Variants in UQCR10 observed in about 807,000 individuals in gnomAD.
The protein encoded by UQCR10 is ubiquinol-cytochrome c reductase, complex III subunit X.
Under a neutral mutation model 6.0 loss-of-function variants are expected in UQCR10, and 5 were observed. The observed-to-expected ratio is 0.83, with a 90% CI of 0.43 to 1.74. UQCR10 has a LOEUF of 1.74. Ranked by LOEUF, UQCR10 falls within the 40% of genes most tolerant of loss-of-function variation. UQCR10 has a pLI of 0.02. For missense variants in UQCR10, 101 were observed against 85.1 expected, an observed-to-expected ratio of 1.19 and a Z score of -0.74; for synonymous variants, 40 against 37.4, an observed-to-expected ratio of 1.07 and a Z score of -0.26.
rs1055360432 is a variant in UQCR10 at position 29,769,763 on chromosome 22, C to G, written c.*44C>G. ...CCAGGCCAGAAGGACCAGGTCCACC[C>G]AGCAGCTGTTTGCCCAGAGCTGGAG... On this transcript the variant is annotated 3_prime_UTR_variant, in exon 2 of 2. Transcript: ENST00000330029. The G allele has an allele frequency of 6.3e-7, 1 of 1,589,760 alleles. No individual in the cohort carries two copies. The highest frequency in any genetic ancestry group is 1.1e-5 in the South Asian group (1 of 87,286).
intron 1 of UQCR10, 73 bp from the exon 2 acceptor site, chr22:29,769,605 C>T: frequency 6.7e-7 from 1 of 1,499,544 alleles, no homozygotes; most frequent in South Asian, 1.2e-5. Context: ...TTTTAGAGAC[C>T]AGGGCAGTGG....
Position 29,767,390 on chromosome 22 carries a change from T to C in UQCR10, c.-9T>C. 1 of 1,612,222 alleles carries C rather than the reference T, an allele frequency of 6.2e-7. No individual in the cohort carries two copies. Among genetic ancestry groups the C allele is most frequent in the Middle Eastern group, 1.9e-4 (1 of 5,330 alleles). On this transcript the variant is annotated 5_prime_UTR_variant, in exon 1 of 2. Transcript: ENST00000330029. The stretch of plus-strand genomic sequence containing the variant: ...AGGCGCGGTGGCGCGAGTTGGACTG[T>C]GAAGAAACATGGCGGCCGCGACGTT...
In UQCR10 at chr22:29,767,396, A is replaced by T; in HGVS notation, c.-3A>T. ...GGTGGCGCGAGTTGGACTGTGAAGA[A>T]ACATGGCGGCCGCGACGTTGACTTC... is the stretch of plus-strand genomic sequence containing the variant. On this transcript the variant is annotated 5_prime_UTR_variant, in exon 1 of 2. Coordinates refer to ENST00000330029, the MANE Select transcript of UQCR10 (RefSeq NM_013387.4). The T allele has an allele frequency of 6.2e-7, 1 of 1,612,620 alleles. No individual in the cohort carries two copies. Among genetic ancestry groups the T allele is most frequent in the Non-Finnish European group, 8.5e-7 (1 of 1,179,402 alleles).
In UQCR10 at chr22:29,769,991, C is replaced by A; in HGVS notation, c.*272C>A. ...CTTTGTTAACTCTACCTGATCTTCA[C>A]TTGTCAGTAATTTGAGACCACTTCA... On this transcript the variant is annotated 3_prime_UTR_variant, in exon 2 of 2. Coordinates refer to ENST00000330029, the MANE Select transcript of UQCR10 (RefSeq NM_013387.4). 1.6e-6 allele frequency: 1 copy of A among 616,370 alleles called. No individual in the cohort carries two copies. Among genetic ancestry groups the A allele is most frequent in the Non-Finnish European group, 3.0e-6 (1 of 329,374 alleles). 38.2% of individuals were successfully genotyped at this position (616,370 alleles called of 1,614,324 possible).
rs531285775 is a variant in UQCR10 at position 29,767,436 on chromosome 22, T to C, written c.38T>C (p.Leu13Pro). The change falls in exon 1 of 2, where the codon CTG becomes CCG. Residue 13 changes from leucine to proline, a missense_variant. Physicochemically the swap from Leu to Pro is moderately conservative, Grantham distance 98. Transcript: ENST00000330029. ...ACGTTGACTTCGAAATTGTACTCCC[T>C]GCTGTTCCGCAGGACCTCCACCTTC... ...AATLTSKLYS[L>P]LFRRTSTFAL... 89 of 1,613,836 alleles carry C rather than the reference T, an allele frequency of 5.5e-5. No individual in the cohort carries two copies. In the Admixed American group the frequency reaches 1.4e-3, roughly 26 times the overall value.
Position 29,770,268 on chromosome 22 carries a change from A to G in UQCR10, c.*549A>G. On this transcript the variant is annotated 3_prime_UTR_variant, in exon 2 of 2. Coordinates refer to ENST00000330029, the MANE Select transcript of UQCR10 (RefSeq NM_013387.4). The stretch of plus-strand genomic sequence containing the variant: ...CCACCCTAGGGTATAGTTCAGGGGT[A>G]TCCAATCCTTTGGCTTCCCTGGGCC... 2 of 252,004 alleles carry G rather than the reference A, an allele frequency of 7.9e-6. No homozygotes were observed. Among genetic ancestry groups the G allele is most frequent in the South Asian group, 4.7e-5 (1 of 21,102 alleles). 15.6% of individuals were successfully genotyped at this position (252,004 alleles called of 1,614,324 possible). A position where few individuals can be genotyped will look rare whatever the true frequency, so the allele number is the denominator to read the frequency against.
chr22:29,767,636 A>T lies in UQCR10; in HGVS notation c.150+88A>T, dbSNP rs750653186. Reference sequence around the variant, plus strand: ...GGATGGGACTCAGTATACTTTTACCAGGAAGGGGGTAAGGGGTAAACCGTC... The same window carrying T: ...GGATGGGACTCAGTATACTTTTACCTGGAAGGGGGTAAGGGGTAAACCGTC... On this transcript the variant is annotated intron_variant, in intron 1 of 1. Transcript: ENST00000330029. 2.0e-6 allele frequency: 3 copies of T among 1,489,864 alleles called. No individual in the cohort carries two copies. In the African/African-American group the frequency reaches 4.2e-5, roughly 21 times the overall value. 92.3% of individuals were successfully genotyped at this position (1,489,864 alleles called of 1,614,324 possible).
chr22:29,768,630 T>C (rs1034633016), intron 1 of UQCR10, among the ~76,000 whole-genome samples: 2 of 146,800 alleles, frequency 1.4e-5, no homozygotes, highest in African/African-American at 5.2e-5. Flanking sequence ...TTTTTTTGTT[T>C]TGTTTTGTTT....
At chr22:29,767,573 C>T (rs2068231666) in intron 1 of UQCR10, 25 bp downstream of exon 1, 1 of 1,501,494 alleles carries the variant, frequency 6.7e-7, no homozygotes, top group Non-Finnish European at 9.1e-7. Flanking sequence ...CATCCCTGAC[C>T]TTGGACCCGC....
Position 29,769,796 on chromosome 22 carries a change from T to C in UQCR10, c.*77T>C. ...GTTTGCCCAGAGCTGGAGCCTCAGC[T>C]TGAAGATGATGCTCAAGGTACTCTT... On this transcript the variant is annotated 3_prime_UTR_variant, in exon 2 of 2. Transcript: ENST00000330029. 7 of 1,503,034 alleles carry C rather than the reference T, an allele frequency of 4.7e-6. No homozygotes were observed. Among genetic ancestry groups the C allele is most frequent in the Non-Finnish European group, 6.4e-6 (7 of 1,098,256 alleles). The allele number at this position is 1,503,034 out of a possible 1,614,324, so 93.1% of individuals were successfully genotyped here.
Position 29,769,816 on chromosome 22 carries a change from A to G in UQCR10, c.*97A>G, listed in dbSNP as rs1468684762. Reference sequence around the variant, plus strand: ...TCAGCTTGAAGATGATGCTCAAGGTACTCTTCATGGACCACCATTCGCTGT... The same window carrying G: ...TCAGCTTGAAGATGATGCTCAAGGTGCTCTTCATGGACCACCATTCGCTGT... On this transcript the variant is annotated 3_prime_UTR_variant, in exon 2 of 2. Coordinates refer to ENST00000330029, the MANE Select transcript of UQCR10 (RefSeq NM_013387.4). 1 of 1,361,356 alleles carries G rather than the reference A, an allele frequency of 7.3e-7. No homozygotes were observed. Among genetic ancestry groups the G allele is most frequent in the Admixed American group, 2.0e-5 (1 of 51,028 alleles). The allele number at this position is 1,361,356 out of a possible 1,614,324, so 84.3% of individuals were successfully genotyped here.
At chr22:29,767,929 C>T (rs890619017) in intron 1 of UQCR10, among the ~76,000 whole-genome samples, 1 of 152,100 alleles carries the variant, frequency 6.6e-6, no homozygotes, top group Non-Finnish European at 1.5e-5. Context: ...GAGCAGGCGA[C>T]GGTCGTGAAA....
chr22:29,770,156 T>G lies in UQCR10; in HGVS notation c.*437T>G, dbSNP rs2068253510. On this transcript the variant is annotated 3_prime_UTR_variant, in exon 2 of 2. Coordinates refer to ENST00000330029, the MANE Select transcript of UQCR10 (RefSeq NM_013387.4). ...TTGGCTTCTAAGCCAGTAATTCCAT[T>G]CTTAAATACCTCACTGTCTTGGCCA... 2 of 361,008 alleles carry G rather than the reference T, an allele frequency of 5.5e-6. No homozygotes were observed. Among genetic ancestry groups the G allele is most frequent in the African/African-American group, 4.3e-5 (2 of 46,930 alleles). The allele number at this position is 361,008 out of a possible 1,614,324, so 22.4% of individuals were successfully genotyped here.
intron 1 of UQCR10, among the ~76,000 whole-genome samples, chr22:29,768,162 T>TA (rs913759149): frequency 6.6e-6 from 1 of 152,180 alleles, no homozygotes; most frequent in Admixed American, 6.5e-5. Context: ...ATATTAATAG[T>TA]AACCTGAGCA....
At chr22:29,767,652 G>T in intron 1 of UQCR10, 104 bp downstream of exon 1, 2 of 1,441,186 alleles carry the variant, frequency 1.4e-6, no homozygotes, top group Non-Finnish European at 9.2e-7. Flanking sequence ...GGGGTAAGGG[G>T]TAAACCGTCG....
Position 29,767,688 on chromosome 22 carries a change from C to T in UQCR10, c.150+140C>T, listed in dbSNP as rs2068233192. ...GCGTCTTCTGTCTCGAGTCCGCCGT[C>T]TGTCCCCTTGGCTTGATGTGAATTC... On this transcript the variant is annotated intron_variant, in intron 1 of 1. Transcript: ENST00000330029. 7.8e-6 allele frequency: 10 copies of T among 1,285,552 alleles called. No individual in the cohort carries two copies. The South Asian group carries it at 1.6e-4, about 20-fold the overall frequency. The allele number at this position is 1,285,552 out of a possible 1,614,324, so 79.6% of individuals were successfully genotyped here.
Position 29,767,482 on chromosome 22 carries a change from C to G in UQCR10, c.84C>G (p.Gly28=). Residue 28 remains glycine, a synonymous_variant, in exon 1 of 2, where the codon GGC becomes GGG. Transcript: ENST00000330029. Reference sequence around the variant, plus strand: ...CCTTCGCCCTCACCATCATCGTGGGCGTCATGTTCTTCGAGCGCGCCTTCG... The same window carrying G: ...CCTTCGCCCTCACCATCATCGTGGGGGTCATGTTCTTCGAGCGCGCCTTCG... ...TSTFALTIIV[G]VMFFERAFDQ... The G allele has an allele frequency of 6.2e-7, 1 of 1,614,014 alleles. No individual in the cohort carries two copies. Among genetic ancestry groups the G allele is most frequent in the Non-Finnish European group, 8.5e-7 (1 of 1,179,894 alleles).
At chr22:29,768,217 TGGTA>T (rs1396369761) in intron 1 of UQCR10, among the ~76,000 whole-genome samples, 1 of 152,200 alleles carries the variant, frequency 6.6e-6, no homozygotes, top group African/African-American at 2.4e-5. Context: ...GCCACATGCC[TGGTA>T]GGTGGTACCA....
At chr22:29,767,692 C>T (rs1191471107) in intron 1 of UQCR10, 144 bp downstream of exon 1, 6 of 1,254,804 alleles carry the variant, frequency 4.8e-6, no homozygotes, top group Non-Finnish European at 6.5e-6. Context: ...CGCCGTCTGT[C>T]CCCTTGGCTT....
Sources: gnomAD v4.1 joint callset for allele counts (sites outside exome capture counted in the v4.1 genomes callset) on GRCh38, gnomAD v4.1.1 for gene constraint, MANE v1.5 for transcripts, NCBI Gene and HGNC (gene_info 2026-07-23, HGNC 2026-07-21) for gene names.